INPP5J: variants seen among roughly 807,000 people sequenced by gnomAD.
INPP5J encodes phosphatidylinositol 4,5-bisphosphate 5-phosphatase A.
A neutral mutation model predicts 86.6 loss-of-function variants in INPP5J; 75 were observed. The observed-to-expected ratio is 0.87, with a 90% CI of 0.72 to 1.05. The LOEUF is 1.05. INPP5J is among the 50% of genes least tolerant of loss of function. The pLI, the probability that INPP5J is intolerant of heterozygous loss-of-function variation, is 0.00. For missense variants in INPP5J, 1,229 were observed against 1,341.2 expected, an observed-to-expected ratio of 0.92 and a Z score of 1.31; for synonymous variants, 540 against 550.0, an observed-to-expected ratio of 0.98 and a Z score of 0.25.
In INPP5J at chr22:31,128,294, TGATGTGGGTACC is replaced by T; in HGVS notation, c.1981_1992del (p.Asp661_Thr664del). The stretch of plus-strand genomic sequence containing the variant: ...TCAACTTCGCTCCCACCTTCAAGTT[TGATGTGGGTACC>T]AACAAATACGATACCAGGTGAGCTC... On this transcript the variant is annotated inframe_deletion, in exon 8 of 13. Transcript: ENST00000331075. The T allele has an allele frequency of 6.3e-7, 1 of 1,597,838 alleles. No homozygotes were observed. Among genetic ancestry groups the T allele is most frequent in the East Asian group, 2.3e-5 (1 of 44,282 alleles).
intron 9 of INPP5J, among the ~76,000 whole-genome samples, chr22:31,129,471 C>G (rs1921862128): frequency 6.7e-6 from 1 of 149,760 alleles, no homozygotes; most frequent in Admixed American, 6.7e-5. Context: ...AACTGCTGAC[C>G]TCAGGTGATC....
intron 4 of INPP5J, 21 bp downstream of exon 4, chr22:31,126,742 T>C (rs368282572): frequency 7.4e-5 from 117 of 1,590,822 alleles, no homozygotes; most frequent in Middle Eastern, 1.7e-4. Context: ...CCTCACCCCC[T>C]GGACAGCCAG....
chr22:31,123,367 C>T (rs758759311), intron 1 of INPP5J, among the ~76,000 whole-genome samples: 16 of 152,140 alleles, frequency 1.1e-4, no homozygotes, highest in Non-Finnish European at 1.6e-4. Flanking sequence ...ATCAGAGGAC[C>T]CAGCTGTGCT....
At chr22:31,123,661 G>A (rs1285773828) in intron 1 of INPP5J, among the ~76,000 whole-genome samples, 4 of 152,190 alleles carry the variant, frequency 2.6e-5, no homozygotes, top group African/African-American at 4.8e-5. Context: ...ACAGAAGTGC[G>A]TCTCCAGAGG....
intron 5 of INPP5J, 101 bp downstream of exon 5, chr22:31,127,138 C>T (rs990730337): frequency 4.4e-6 from 4 of 909,496 alleles, no homozygotes; most frequent in African/African-American, 3.3e-5. Flanking sequence ...CATCCTCCAC[C>T]CTTTACCCTG....
Position 31,127,948 on chromosome 22 carries a change from C to A in INPP5J, c.1788-3C>A. On this transcript the variant is annotated splice_polypyrimidine_tract_variant and splice_region_variant and intron_variant, in intron 6 of 12. Transcript: ENST00000331075. ...CATCTCTCCCATCCCCCACCCCAAA[C>A]AGCCTCGTGTTCTGGTTCGGGGACC... The A allele has an allele frequency of 1.3e-6, 2 of 1,578,622 alleles. No individual in the cohort carries two copies. The highest frequency in any genetic ancestry group is 1.7e-6 in the Non-Finnish European group (2 of 1,148,980).
chr22:31,124,518 G>A (rs760952571), intron 1 of INPP5J, among the ~76,000 whole-genome samples: 18 of 152,202 alleles, frequency 1.2e-4, no homozygotes, highest in African/African-American at 1.9e-4. Flanking sequence ...AAGCTGCCCC[G>A]AATGGGCAGG....
Position 31,129,232 on chromosome 22 carries a change from C to CTTTT in INPP5J, c.2193+596_2193+599dup, listed in dbSNP as rs576089657. On this transcript the variant is annotated intron_variant, in intron 9 of 12. Transcript: ENST00000331075. ...GGCGTGAGCTACCGTGTCTGGCCAACTTTTTTTTTTTTTTTTTTTTTCTTT... is the reference window on the plus strand; with the variant it reads ...GGCGTGAGCTACCGTGTCTGGCCAACTTTTTTTTTTTTTTTTTTTTTTTTTCTTT... 1.6e-3 allele frequency among the ~76,000 whole-genome samples: 125 copies of CTTTT among 79,120 alleles called. 3 individuals carry two copies. The highest frequency in any genetic ancestry group is 3.0e-3 in the East Asian group (6 of 2,020). The allele number at this position is 79,120 out of a possible 152,430, so 51.9% of individuals were successfully genotyped here.
chr22:31,127,267 C>G, intron 5 of INPP5J, 90 bp from the exon 6 acceptor site: 1 of 1,243,222 alleles, frequency 8.0e-7, no homozygotes, highest in Non-Finnish European at 1.1e-6. Flanking sequence ...CACCCACCTT[C>G]CACCCACATC....
In INPP5J at chr22:31,134,505, C is replaced by G. The variant is rs1922422946; in HGVS notation, c.*86C>G. The G allele has an allele frequency of 3.8e-6, 5 of 1,326,232 alleles. No individual in the cohort carries two copies. The highest frequency in any genetic ancestry group is 5.0e-6 in the Non-Finnish European group (5 of 1,007,250). The allele number at this position is 1,326,232 out of a possible 1,614,324, so 82.2% of individuals were successfully genotyped here. A position where few individuals can be genotyped will look rare whatever the true frequency, so the allele number is the denominator to read the frequency against. On this transcript the variant is annotated 3_prime_UTR_variant, in exon 13 of 13. Coordinates refer to ENST00000331075, the MANE Select transcript of INPP5J (RefSeq NM_001284285.2). ...ACCTGCCTCTCTCCTGCTGCTCCTCCAGCTGTATCTGCACCTGCCTCTCTG... is the reference window on the plus strand; with the variant it reads ...ACCTGCCTCTCTCCTGCTGCTCCTCGAGCTGTATCTGCACCTGCCTCTCTG...
At position 31,134,413 on chromosome 22, in the gene INPP5J, G is replaced by A. The variant is rs532057074; in HGVS notation, c.3015G>A (p.Gly1005=). 115 of 1,457,586 alleles carry A rather than the reference G, an allele frequency of 7.9e-5. 1 individual carries two copies. The South Asian group carries it at 1.4e-3, about 18-fold the overall frequency. 90.3% of individuals were successfully genotyped at this position (1,457,586 alleles called of 1,614,324 possible). ...GGGGGCTGGAGGAAGGGGGCCTGGG[G>A]CCCTGAGGGTGGGGTAGGCAGATGG... is the stretch of plus-strand genomic sequence containing the variant. The part of the protein sequence containing the change: ...GHRGLEEGGL[G]P Residue 1005 remains glycine (G), a synonymous_variant, in exon 13 of 13, where the codon GGG becomes GGA. Transcript: ENST00000331075.
chr22:31,134,264 C>G lies in INPP5J; in HGVS notation c.2866C>G (p.Arg956Gly). The G allele has an allele frequency of 6.4e-7, 1 of 1,551,888 alleles. No homozygotes were observed. The highest frequency in any genetic ancestry group is 8.7e-7 in the Non-Finnish European group (1 of 1,147,874). Reference protein sequence around the residue: ...GPWAFPPAVPRSLGLLPALRL... With the variant: ...GPWAFPPAVPGSLGLLPALRL... ...CTGGGCCTTCCCACCAGCTGTGCCT[C>G]GAAGCCTGGGCCTGTTGCCCGCCTT... The change falls in exon 13 of 13, where the codon CGA (arginine) becomes GGA (glycine). Residue 956 changes from arginine to glycine, a missense_variant. Physicochemically the swap from Arg to Gly is moderately radical, Grantham distance 125 (BLOSUM62 -2). Coordinates refer to ENST00000331075, the MANE Select transcript of INPP5J (RefSeq NM_001284285.2).
intron 10 of INPP5J, 31 bp from the exon 11 acceptor site, chr22:31,133,375 C>T: frequency 1.2e-6 from 2 of 1,611,392 alleles, no homozygotes; most frequent in Non-Finnish European, 8.5e-7. Flanking sequence ...TATAGGGTCA[C>T]AACACTGATT....
chr22:31,127,610 T>C, intron 6 of INPP5J, 78 bp downstream of exon 6: 13 of 1,420,900 alleles, frequency 9.1e-6, no homozygotes, highest in Non-Finnish European at 1.2e-5. Context: ...GGGTGGGGCT[T>C]ATGGAGAGAG....
chr22:31,130,813 C>T (rs1458606878), intron 9 of INPP5J, among the ~76,000 whole-genome samples: 2 of 152,168 alleles, frequency 1.3e-5, no homozygotes, highest in Non-Finnish European at 1.5e-5. Context: ...TTCCTGGTTG[C>T]CGACATCAAA....
Position 31,133,133 on chromosome 22 carries a change from G to A in INPP5J, c.2229G>A (p.Leu743=). ...AFRDDMPLVR[L]EVADEWVRPE... ...GGGACGACATGCCACTGGTGCGGCT[G>A]GAGGTGGCAGATGAGTGGGTGCGGC... Residue 743 remains leucine (L), a synonymous_variant, in exon 10 of 13, where the codon CTG becomes CTA. Coordinates refer to ENST00000331075, the MANE Select transcript of INPP5J (RefSeq NM_001284285.2). The A allele has an allele frequency of 6.4e-7, 1 of 1,571,596 alleles. No homozygotes were observed. Among genetic ancestry groups the A allele is most frequent in the African/African-American group, 1.3e-5 (1 of 74,130 alleles).
At position 31,125,114 on chromosome 22, in the gene INPP5J, C is replaced by A. The variant is rs919982915; in HGVS notation, c.375C>A (p.Pro125=). Residue 125 remains proline, a synonymous_variant, in exon 2 of 13, where the codon CCC becomes CCA. Transcript: ENST00000331075. ...VMSASAGPKP[P]PATTGSVLAP... Reference sequence around the variant, plus strand: ...CTGCCTCAGCTGGACCAAAGCCTCCCCCAGCGACCACAGGCTCAGTTCTGG... The same window carrying A: ...CTGCCTCAGCTGGACCAAAGCCTCCACCAGCGACCACAGGCTCAGTTCTGG... 5 of 1,549,906 alleles carry A rather than the reference C, an allele frequency of 3.2e-6. No homozygotes were observed. The highest frequency in any genetic ancestry group is 2.0e-5 in the Admixed American group (1 of 50,968).
intron 9 of INPP5J, 23 bp from the exon 10 acceptor site, chr22:31,133,075 C>G: frequency 6.4e-7 from 1 of 1,554,344 alleles, no homozygotes; most frequent in African/African-American, 1.4e-5. Context: ...ATGTGGCCCC[C>G]TGCCCCTGCC....
At position 31,125,583 on chromosome 22, in the gene INPP5J, C is replaced by G. The variant is rs542084151; in HGVS notation, c.844C>G (p.Arg282Gly). 3.5e-5 allele frequency: 54 copies of G among 1,550,444 alleles called. No homozygotes were observed. The highest frequency in any genetic ancestry group is 5.9e-5 in the Admixed American group (3 of 50,996). Reference sequence around the variant, plus strand: ...AGACCCTCGGCTCTCCCCCTCCTTCCGAGCCCGGCCTGAGGCCCTCCACAG... The same window carrying G: ...AGACCCTCGGCTCTCCCCCTCCTTCGGAGCCCGGCCTGAGGCCCTCCACAG... ...SPDPRLSPSF[R>G]ARPEALHSSP... Residue 282 changes from arginine to glycine, a missense_variant, in exon 2 of 13, where the codon CGA (arginine) becomes GGA (glycine). Arg to Gly is a moderately radical substitution (Grantham distance 125). Transcript: ENST00000331075.
Sources: gnomAD v4.1 joint callset for allele counts (sites outside exome capture counted in the v4.1 genomes callset) on GRCh38, gnomAD v4.1.1 for gene constraint, MANE v1.5 for transcripts, NCBI Gene and HGNC (gene_info 2026-07-23, HGNC 2026-07-21) for gene names.